DNAJC6: variants seen among roughly 807,000 people sequenced by gnomAD.
DNAJC6 encodes the protein DnaJ heat shock protein family (Hsp40) member C6.
Under a neutral mutation model 110.0 loss-of-function variants are expected in DNAJC6, and 34 were observed. That is an observed-to-expected ratio of 0.31 (90% CI 0.24 to 0.41). DNAJC6 has a LOEUF of 0.41. Ranked by LOEUF, DNAJC6 falls within the 10% of genes least tolerant of loss-of-function variation. The pLI is 1.00. For synonymous variants in DNAJC6, 406 were observed against 437.2 expected, an observed-to-expected ratio of 0.93 and a Z score of 0.89; for missense variants, 1,031 against 1,207.8, an observed-to-expected ratio of 0.85 and a Z score of 2.17.
intron 17 of DNAJC6, 48 bp downstream of exon 17, chr1:65,408,831 A>G (rs770182239): frequency 2.5e-6 from 4 of 1,597,024 alleles, no homozygotes; most frequent in Non-Finnish European, 3.4e-6. Context: ...TGACAAAGTC[A>G]TGTGATAAAG....
chr1:65,326,405 G>A (rs1302640555), intron 1 of DNAJC6, among the ~76,000 whole-genome samples: 1 of 152,170 alleles, frequency 6.6e-6, no homozygotes. Context: ...CTTGAAGGAT[G>A]GGTAGGATTT....
rs113382022 is a variant in DNAJC6 at position 65,411,549 on chromosome 1, G to A, written c.2811+123G>A. 22 of 876,256 alleles carry A rather than the reference G, an allele frequency of 2.5e-5. 1 individual carries two copies. The African/African-American group carries it at 2.9e-4, about 11-fold the overall frequency. The allele number at this position is 876,256 out of a possible 1,614,324, so 54.3% of individuals were successfully genotyped here. Reference sequence around the variant, plus strand: ...ATTTTTAATAAAATTAAGTCAATGAGCTAAAATCAGATATTTAAACAAATA... The same window carrying A: ...ATTTTTAATAAAATTAAGTCAATGAACTAAAATCAGATATTTAAACAAATA... On this transcript the variant is annotated intron_variant, in intron 18 of 18. Transcript: ENST00000371069.
intron 1 of DNAJC6, among the ~76,000 whole-genome samples, chr1:65,349,279 T>TG (rs1645469058): frequency 1.3e-5 from 2 of 151,696 alleles, no homozygotes; most frequent in Non-Finnish European, 2.9e-5. Flanking sequence ...TGTGCTATTT[T>TG]GTCATATATT....
chr1:65,310,017 C>T, intron 1 of DNAJC6, 79 bp downstream of exon 1: 1 of 1,366,732 alleles, frequency 7.3e-7, no homozygotes, highest in Non-Finnish European at 9.4e-7. Context: ...CCGAGGCCCC[C>T]CCGTGGTCCC....
chr1:65,305,741 T>C (rs1244167560), upstream of DNAJC6, among the ~76,000 whole-genome samples: 2 of 135,614 alleles, frequency 1.5e-5, no homozygotes, highest in African/African-American at 5.7e-5. Flanking sequence ...CAGTTCACAT[T>C]TGACAAACTG....
chr1:65,409,289 A>C (rs1462805119), intron 17 of DNAJC6, among the ~76,000 whole-genome samples: 1 of 152,118 alleles, frequency 6.6e-6, no homozygotes, highest in Non-Finnish European at 1.5e-5. Flanking sequence ...TGGCCACTCT[A>C]TTTCATTTGG....
At chr1:65,369,063 C>G (rs1426549196) in intron 4 of DNAJC6, among the ~76,000 whole-genome samples, 2 of 152,038 alleles carry the variant, frequency 1.3e-5, no homozygotes, top group African/African-American at 4.8e-5. Flanking sequence ...AGCCACCACC[C>G]CCAGCCCATC....
chr1:65,388,262 C>T (rs1167819930), intron 8 of DNAJC6, 74 bp from the exon 9 acceptor site: 1 of 1,349,418 alleles, frequency 7.4e-7, no homozygotes, highest in African/African-American at 1.4e-5. Flanking sequence ...TGCATGTCTC[C>T]CCAAAATCTA....
At chr1:65,411,068 G>C (rs1001062551) in intron 17 of DNAJC6, among the ~76,000 whole-genome samples, 182 bp from the exon 18 acceptor site, 1 of 152,196 alleles carries the variant, frequency 6.6e-6, no homozygotes, top group African/African-American at 2.4e-5. Context: ...GAGTTAACCA[G>C]GGAGACAAGG....
At chr1:65,396,706 G>A (rs1645980368) in intron 13 of DNAJC6, among the ~76,000 whole-genome samples, 1 of 151,986 alleles carries the variant, frequency 6.6e-6, no homozygotes, top group African/African-American at 2.4e-5. Flanking sequence ...TAACTTATGT[G>A]TTACATTTTT....
chr1:65,289,843 T>C (rs371795180), intron 1 of DNAJC6, among the ~76,000 whole-genome samples: 3 of 151,740 alleles, frequency 2.0e-5, no homozygotes, highest in East Asian at 1.9e-4. Context: ...AGAGTTTCAT[T>C]ATGTTGCCCA....
intron 1 of DNAJC6, among the ~76,000 whole-genome samples, chr1:65,326,828 TC>T (rs1645245797): frequency 6.6e-6 from 1 of 152,226 alleles, no homozygotes; most frequent in African/African-American, 2.4e-5. Flanking sequence ...TGTCTCTGAA[TC>T]CCAAATTCTA....
rs777271287 is a variant in DNAJC6 at position 65,413,123 on chromosome 1, A to G, written c.*98A>G. The G allele has an allele frequency of 3.1e-6, 3 of 954,414 alleles. 1 individual carries two copies. Among genetic ancestry groups the G allele is most frequent in the East Asian group, 4.9e-5 (2 of 41,072 alleles). The allele number at this position is 954,414 out of a possible 1,614,324, so 59.1% of individuals were successfully genotyped here. ...CAGATGAACCAAAAACTCCAGTAACATGTTTTCAGTACTAAACCGTTAAGT... is the reference window on the plus strand; with the variant it reads ...CAGATGAACCAAAAACTCCAGTAACGTGTTTTCAGTACTAAACCGTTAAGT... On this transcript the variant is annotated 3_prime_UTR_variant, in exon 19 of 19. Transcript: ENST00000371069.
chr1:65,306,514 G>A (rs1263875456), upstream of DNAJC6: 1 of 152,284 alleles, frequency 6.6e-6, no homozygotes, highest in Non-Finnish European at 1.5e-5. Flanking sequence ...GTATGAAGGG[G>A]ATGGGGTGGA....
chr1:65,317,858 A>C (rs1645162171), intron 1 of DNAJC6, among the ~76,000 whole-genome samples: 1 of 152,250 alleles, frequency 6.6e-6, no homozygotes, highest in South Asian at 2.1e-4. Flanking sequence ...TTTAACCAGG[A>C]AGACTAAAGA....
chr1:65,385,835 T>C lies in DNAJC6; in HGVS notation c.924T>C (p.Cys308=). The C allele has an allele frequency of 1.2e-6, 2 of 1,614,126 alleles. No homozygotes were observed. The highest frequency in any genetic ancestry group is 1.7e-6 in the Non-Finnish European group (2 of 1,179,992). The change falls in exon 7 of 19, where the codon TGT becomes TGC. Residue 308 remains cysteine (C), a synonymous_variant. Transcript: ENST00000371069. ...IPFFNKQRNG[C]RPYCDVLIGE... is the part of the protein sequence containing the mutation. ...TTTTCAACAAACAGAGGAATGGATG[T>C]CGCCCTTACTGTGATGTACTCATTG...
At chr1:65,358,922 C>G (rs1456659206) in intron 1 of DNAJC6, among the ~76,000 whole-genome samples, 2 of 152,172 alleles carry the variant, frequency 1.3e-5, no homozygotes, top group African/African-American at 4.8e-5. Context: ...GAATTATCCA[C>G]AGCCCAGGGT....
At chr1:65,368,379 A>AC (rs71058403) in intron 4 of DNAJC6, among the ~76,000 whole-genome samples, 104,888 of 151,850 alleles carry the variant, frequency 0.69, 37,883 homozygotes, top group African/African-American at 0.92. Context: ...ATATGCTCCA[A>AC]TAGGGATAGG....
intron 10 of DNAJC6, 30 bp from the exon 11 acceptor site, chr1:65,389,517 T>C (rs758966341): frequency 9.3e-6 from 15 of 1,613,946 alleles, no homozygotes; most frequent in Middle Eastern, 1.6e-4. Flanking sequence ...CTGTGTCTCA[T>C]TGATGCTACA....
Sources: gnomAD v4.1 joint callset for allele counts (sites outside exome capture counted in the v4.1 genomes callset) on GRCh38, gnomAD v4.1.1 for gene constraint, MANE v1.5 for transcripts, NCBI Gene and HGNC (gene_info 2026-07-23, HGNC 2026-07-21) for gene names.